The following PCDHA3 variants were observed in gnomAD, a reference collection of about 807,000 sequenced individuals.
PCDHA3 encodes the protein protocadherin alpha 3.
In PCDHA3, 41 loss-of-function variants were observed where a neutral mutation model predicts 62.2. The observed-to-expected ratio is 0.66, with a 90% CI of 0.51 to 0.86. The LOEUF (loss-of-function observed/expected upper bound fraction) is 0.86. Among genes scored for constraint, PCDHA3 ranks in the 40% least tolerant of loss-of-function variants. The pLI is 0.00. For synonymous variants in PCDHA3, 640 were observed against 555.4 expected (o/e 1.15, Z -2.14); for missense variants, 1,304 against 1,241.2 (o/e 1.05, Z -0.76).
chr5:140,859,790 A>C (rs1023981970), intron 1 of PCDHA3: 1 of 152,502 alleles, frequency 6.6e-6, no homozygotes, highest in Non-Finnish European at 1.5e-5. Context: ...AGCTCTTAGA[A>C]ATTATAGATG....
intron 1 of PCDHA3, chr5:140,849,805 C>T: frequency 6.3e-7 from 1 of 1,598,382 alleles, no homozygotes; most frequent in Non-Finnish European, 8.6e-7. Flanking sequence ...TCACTGTGGG[C>T]CACGGCCAGG....
rs1459343581 is a variant in PCDHA3 at position 141,012,230 on chromosome 5, A to G, written c.*2293A>G. 1.3e-5 allele frequency: 2 copies of G among 153,766 alleles called. No individual in the cohort carries two copies. The highest frequency in any genetic ancestry group is 6.5e-5 in the Admixed American group (1 of 15,278). 9.5% of individuals were successfully genotyped at this position (153,766 alleles called of 1,614,324 possible). On this transcript the variant is annotated 3_prime_UTR_variant, in exon 4 of 4. Transcript: ENST00000522353. ...ACATTTGCGAAGTGCTTTCCAATCC[A>G]TGTTAGTTACTAGTTATTACAGCTG...
rs1044322759 is a variant in PCDHA3 at position 140,877,540 on chromosome 5, G to C, written c.2394+73949G>C. 35 of 1,613,652 alleles carry C rather than the reference G, an allele frequency of 2.2e-5. No individual in the cohort carries two copies. Among genetic ancestry groups the C allele is most frequent in the Non-Finnish European group, 2.7e-5 (32 of 1,179,908 alleles). On this transcript the variant is annotated intron_variant, in intron 1 of 3. Coordinates refer to ENST00000522353, the MANE Select transcript of PCDHA3 (RefSeq NM_018906.3). ...GGCCTCAGTGGGCGCTGTGGATCCCGAAGCGGCTCTGGTGGATATTAACGT... is the reference window on the plus strand; with the variant it reads ...GGCCTCAGTGGGCGCTGTGGATCCCCAAGCGGCTCTGGTGGATATTAACGT...
intron 1 of PCDHA3, chr5:140,882,343 G>A: frequency 6.2e-7 from 1 of 1,614,198 alleles, no homozygotes; most frequent in Non-Finnish European, 8.5e-7. Context: ...CAGCCTGGGA[G>A]ACGGGTAGTG....
intron 1 of PCDHA3, among the ~76,000 whole-genome samples, chr5:140,898,087 T>C (rs1480771668): frequency 2.6e-5 from 4 of 152,150 alleles, no homozygotes; most frequent in Non-Finnish European, 5.9e-5. Flanking sequence ...TTCTGGATAT[T>C]AGCCCTTTGT....
intron 1 of PCDHA3, among the ~76,000 whole-genome samples, chr5:140,970,048 G>T (rs561588022): frequency 6.6e-6 from 1 of 152,296 alleles, no homozygotes; most frequent in African/African-American, 2.4e-5. Flanking sequence ...TTGTCTGGTT[G>T]GTCCAGGGAG....
At chr5:140,826,875 T>G (rs2150145673) in intron 1 of PCDHA3, among the ~76,000 whole-genome samples, 1 of 152,218 alleles carries the variant, frequency 6.6e-6, no homozygotes, top group South Asian at 2.1e-4. Flanking sequence ...TAAAATTCAA[T>G]GAAAGCTGTA....
chr5:140,937,071 T>G (rs2091308048), intron 1 of PCDHA3, among the ~76,000 whole-genome samples: 1 of 147,932 alleles, frequency 6.8e-6, no homozygotes, highest in African/African-American at 2.5e-5. Context: ...GGAGTCTCGC[T>G]CTGTCGCCCA....
chr5:140,871,506 A>C (rs997428507), intron 1 of PCDHA3: 2 of 1,580,864 alleles, frequency 1.3e-6, no homozygotes, highest in Admixed American at 1.8e-5. Flanking sequence ...TGAGTTTTCT[A>C]CAGATTCCAC....
In PCDHA3 at chr5:140,801,220, A is replaced by G. The variant is rs782702902; in HGVS notation, c.23A>G (p.Asp8Gly). MLFSWRE[D>G]PGAQCLLLSL... ...GCAATGTTGTTCTCCTGGCGAGAAG[A>G]TCCTGGAGCCCAGTGCCTGCTGCTT... Residue 8 changes from aspartate to glycine, a missense_variant, in exon 1 of 4, where the codon GAT becomes GGT. Transcript: ENST00000522353. The G allele has an allele frequency of 1.2e-6, 2 of 1,609,174 alleles. No individual in the cohort carries two copies. Among genetic ancestry groups the G allele is most frequent in the South Asian group, 1.1e-5 (1 of 90,788 alleles).
chr5:140,877,767 C>T, intron 1 of PCDHA3: 1 of 1,614,166 alleles, frequency 6.2e-7, no homozygotes, highest in Non-Finnish European at 8.5e-7. Context: ...AGAGCCCGCC[C>T]AAGACGGACC....
At chr5:140,828,978 A>G in intron 1 of PCDHA3, 1 of 1,614,200 alleles carries the variant, frequency 6.2e-7, no homozygotes, top group Non-Finnish European at 8.5e-7. Context: ...TTTAGCATAG[A>G]TCGAAATACG....
rs1554144804 is a variant in PCDHA3, at chr5:140,850,700, C to G, written c.2394+47109C>G. 17 of 1,597,908 alleles carry G rather than the reference C, an allele frequency of 1.1e-5. 1 individual carries two copies. The highest frequency in any genetic ancestry group is 1.7e-5 in the Admixed American group (1 of 59,228). ...CCACCGAGGGCGAGTGCGCGCCTGG[C>G]AAGCCGACGCTGGTGTGTTCTAGCG... On this transcript the variant is annotated intron_variant, in intron 1 of 3. Transcript: ENST00000522353.
At chr5:140,887,532 C>T (rs1161154809) in intron 1 of PCDHA3, among the ~76,000 whole-genome samples, 1 of 152,152 alleles carries the variant, frequency 6.6e-6, no homozygotes, top group African/African-American at 2.4e-5. Flanking sequence ...GAGTCTTCCT[C>T]TCCCCACCCC....
At chr5:140,829,647 C>T (rs2150172016) in intron 1 of PCDHA3, 2 of 1,612,324 alleles carry the variant, frequency 1.2e-6, no homozygotes, top group East Asian at 4.5e-5. Context: ...AAGGTGTACG[C>T]GCTGCAGCCG....
chr5:140,927,748 G>A lies in PCDHA3; in HGVS notation c.2395-51201G>A, dbSNP rs782605586. Reference sequence around the variant, plus strand: ...AGCAGAGCTGCGACACCGCTTTCACGTGCACCCTAAAAGTGGGGAGGTGCA... The same window carrying A: ...AGCAGAGCTGCGACACCGCTTTCACATGCACCCTAAAAGTGGGGAGGTGCA... On this transcript the variant is annotated intron_variant, in intron 1 of 3. Transcript: ENST00000522353. 53 of 1,614,088 alleles carry A rather than the reference G, an allele frequency of 3.3e-5. No homozygotes were observed. The South Asian group carries it at 5.7e-4, about 17-fold the overall frequency.
At chr5:140,870,771 C>A (rs370490786) in intron 1 of PCDHA3, 1 of 1,613,466 alleles carries the variant, frequency 6.2e-7, no homozygotes, top group Non-Finnish European at 8.5e-7. Context: ...TCGTGCTGGA[C>A]GAGAACGACA....
chr5:140,944,364 T>G (rs1264806074), intron 1 of PCDHA3, among the ~76,000 whole-genome samples: 1 of 152,072 alleles, frequency 6.6e-6, no homozygotes, highest in Non-Finnish European at 1.5e-5. Flanking sequence ...ATTTTTAATT[T>G]TTTATAGAGA....
At chr5:140,906,045 T>C (rs1002159774) in intron 1 of PCDHA3, among the ~76,000 whole-genome samples, 3 of 152,194 alleles carry the variant, frequency 2.0e-5, no homozygotes, top group African/African-American at 7.2e-5. Flanking sequence ...GCTTTTATTC[T>C]GGCTGCACTG....
Sources: allele counts gnomAD v4.1 joint callset (sites outside exome capture counted in the v4.1 genomes callset), GRCh38; gene constraint gnomAD v4.1.1; transcripts MANE v1.5; gene names NCBI Gene and HGNC (gene_info 2026-07-23, HGNC 2026-07-21).